The following STAC variants were observed in gnomAD, a reference collection of about 807,000 sequenced individuals.
The protein encoded by STAC is SH3 and cysteine rich domain.
A neutral mutation model predicts 48.8 loss-of-function variants in STAC; 43 were observed. That is an observed-to-expected ratio of 0.88 (90% CI 0.69 to 1.14). The LOEUF is 1.14. STAC is among the 50% of genes most tolerant of loss of function. STAC has a pLI of 0.00. For missense variants in STAC, 497 were observed against 504.0 expected, an observed-to-expected ratio of 0.99 and a Z score of 0.13; for synonymous variants, 193 against 179.5, an observed-to-expected ratio of 1.07 and a Z score of -0.60.
At chr3:36,394,175 C>T (rs1181845813) in intron 1 of STAC, among the ~76,000 whole-genome samples, 1 of 152,084 alleles carries the variant, frequency 6.6e-6, no homozygotes, top group East Asian at 1.9e-4. Flanking sequence ...TAGCCATTAA[C>T]CACATGTGGC....
chr3:36,384,987 A>T (rs998986187), intron 1 of STAC, among the ~76,000 whole-genome samples: 1 of 152,190 alleles, frequency 6.6e-6, no homozygotes, highest in African/African-American at 2.4e-5. Flanking sequence ...ACTTCTATTC[A>T]GGGAAGAAGA....
At chr3:36,505,647 A>T (rs1021599765) in intron 7 of STAC, 99 bp from the exon 8 acceptor site, 6 of 773,968 alleles carry the variant, frequency 7.8e-6, no homozygotes, top group Non-Finnish European at 1.3e-5. Flanking sequence ...ATACACTGAA[A>T]TTACATTGCA....
intron 2 of STAC, among the ~76,000 whole-genome samples, chr3:36,475,641 G>A (rs1697473512): frequency 6.6e-6 from 1 of 152,212 alleles, no homozygotes; most frequent in Admixed American, 6.5e-5. Flanking sequence ...ACCCGGGGAG[G>A]CATGGTGAAA....
intron 2 of STAC, among the ~76,000 whole-genome samples, chr3:36,470,285 C>T (rs1229708204): frequency 6.6e-6 from 1 of 152,220 alleles, no homozygotes; most frequent in African/African-American, 2.4e-5. Context: ...TCTCCTGTTT[C>T]CCCTAGGAAT....
At chr3:36,407,904 G>T (rs2125632270) in intron 1 of STAC, among the ~76,000 whole-genome samples, 1 of 152,304 alleles carries the variant, frequency 6.6e-6, no homozygotes, top group East Asian at 1.9e-4. Flanking sequence ...CTCATCTGAG[G>T]CTTGGAGTCC....
At chr3:36,400,912 T>C (rs376308326) in intron 1 of STAC, among the ~76,000 whole-genome samples, 2 of 152,180 alleles carry the variant, frequency 1.3e-5, no homozygotes, top group South Asian at 2.1e-4. Flanking sequence ...TGTCACTCCA[T>C]GGATGGCCAG....
intron 6 of STAC, among the ~76,000 whole-genome samples, chr3:36,498,697 G>T (rs1324880691): frequency 6.6e-6 from 1 of 152,086 alleles, no homozygotes; most frequent in Non-Finnish European, 1.5e-5. Context: ...AGGCTGCAGT[G>T]AGCCATGATT....
At chr3:36,470,900 C>T (rs1697315062) in intron 2 of STAC, among the ~76,000 whole-genome samples, 1 of 152,186 alleles carries the variant, frequency 6.6e-6, no homozygotes, top group South Asian at 2.1e-4. Context: ...AAAATTTTCA[C>T]GTTACCTACT....
intron 2 of STAC, among the ~76,000 whole-genome samples, chr3:36,447,649 C>CCA (rs3061960): frequency 0.043 from 6,280 of 146,338 alleles, 145 homozygotes; most frequent in Middle Eastern, 0.089. Flanking sequence ...TGTATACACA[C>CCA]CACACACACA....
At chr3:36,500,286 TC>T (rs1283783745) in intron 6 of STAC, among the ~76,000 whole-genome samples, 1 of 152,216 alleles carries the variant, frequency 6.6e-6, no homozygotes, top group Non-Finnish European at 1.5e-5. Context: ...TGAGATCATG[TC>T]CTTTGCAGGA....
chr3:36,455,079 GTGTC>G (rs1431074776), intron 2 of STAC, among the ~76,000 whole-genome samples: 1 of 152,210 alleles, frequency 6.6e-6, no homozygotes, highest in Non-Finnish European at 1.5e-5. Context: ...AAAGGGGAGA[GTGTC>G]TGATCATTTA....
chr3:36,429,908 C>G (rs1700657783), intron 1 of STAC, among the ~76,000 whole-genome samples: 1 of 152,246 alleles, frequency 6.6e-6, no homozygotes, highest in African/African-American at 2.4e-5. Flanking sequence ...GGTCATAACA[C>G]AGGTGAAAAG....
At chr3:36,398,365 A>AAGAAAG (rs751501265) in intron 1 of STAC, among the ~76,000 whole-genome samples, 6 of 141,792 alleles carry the variant, frequency 4.2e-5, no homozygotes, top group Non-Finnish European at 7.7e-5. Flanking sequence ...GAAAGAAAGA[A>AAGAAAG]AGAAAAGAAA....
intron 1 of STAC, among the ~76,000 whole-genome samples, chr3:36,394,715 G>A (rs1699821239): frequency 6.6e-6 from 1 of 152,012 alleles, no homozygotes; most frequent in African/African-American, 2.4e-5. Flanking sequence ...TGGCCAACAT[G>A]GCAAAACTCT....
intron 2 of STAC, among the ~76,000 whole-genome samples, chr3:36,464,096 T>A (rs1003943033): frequency 6.6e-6 from 1 of 152,240 alleles, no homozygotes; most frequent in African/African-American, 2.4e-5. Flanking sequence ...ATCGCCACAC[T>A]GACTTGCACA....
intron 8 of STAC, among the ~76,000 whole-genome samples, chr3:36,523,111 G>A (rs750031864): frequency 2.6e-5 from 4 of 152,184 alleles, no homozygotes; most frequent in South Asian, 2.1e-4. Context: ...TGGTTCTCAC[G>A]CACATGTGTG....
chr3:36,519,883 T>C (rs4678883), intron 8 of STAC, among the ~76,000 whole-genome samples: 57,633 of 151,948 alleles, frequency 0.38, 11,447 homozygotes, highest in East Asian at 0.49. Context: ...GCAAAACCAG[T>C]CAGTAGTCAC....
intron 8 of STAC, among the ~76,000 whole-genome samples, chr3:36,507,905 G>A (rs796940662): frequency 4.6e-5 from 7 of 151,900 alleles, no homozygotes; most frequent in East Asian, 3.9e-4. Context: ...AGGGTTTTTC[G>A]TGTCTCTATC....
At chr3:36,439,674 C>G (rs1696276069) in intron 1 of STAC, among the ~76,000 whole-genome samples, 1 of 152,204 alleles carries the variant, frequency 6.6e-6, no homozygotes, top group Admixed American at 6.5e-5. Flanking sequence ...CCTCCAGCAT[C>G]AGTCCAGTTT....
Sources: allele counts gnomAD v4.1 joint callset (sites outside exome capture counted in the v4.1 genomes callset), GRCh38; gene constraint gnomAD v4.1.1; transcripts MANE v1.5; gene names NCBI Gene and HGNC (gene_info 2026-07-23, HGNC 2026-07-21).